NBAS: variants seen among roughly 807,000 people sequenced by gnomAD.
The protein encoded by NBAS is NAG/BC035112 fusion.
Under a neutral mutation model 302.5 loss-of-function variants are expected in NBAS, and 219 were observed. The ratio of observed to expected loss-of-function variants is 0.72; its 90% CI spans 0.65 to 0.81. The LOEUF (loss-of-function observed/expected upper bound fraction) is 0.81, where lower values mean the gene tolerates loss of function less well. Among genes scored for constraint, NBAS ranks in the 30% least tolerant of loss-of-function variants. The pLI, the probability that NBAS is intolerant of heterozygous loss-of-function variation, is 0.00. For missense variants in NBAS, 2,932 were observed against 2,841.6 expected, an observed-to-expected ratio of 1.03 and a Z score of -0.72; for synonymous variants, 1,118 against 1,021.6, an observed-to-expected ratio of 1.09 and a Z score of -1.80.
intron 48 of NBAS, among the ~76,000 whole-genome samples, chr2:15,200,958 G>A (rs956465865): frequency 6.6e-6 from 1 of 152,170 alleles, no homozygotes; most frequent in Non-Finnish European, 1.5e-5. Flanking sequence ...CAAATATGAT[G>A]TAGTTATTAA....
At chr2:14,867,298 G>A in the NBAS span, among the ~76,000 whole-genome samples, 3 of 152,150 alleles carry the variant, frequency 2.0e-5, no homozygotes, top group Non-Finnish European at 2.9e-5. Flanking sequence ...CTACATCATG[G>A]CTCAGGAGGG....
chr2:15,481,147 A>G (rs774194619), intron 12 of NBAS, among the ~76,000 whole-genome samples: 7 of 152,200 alleles, frequency 4.6e-5, no homozygotes, highest in African/African-American at 7.2e-5. Flanking sequence ...ATTGTAGCGC[A>G]TATCAGCACT....
At chr2:15,185,028 T>C (rs57595195) in intron 50 of NBAS, among the ~76,000 whole-genome samples, 12 of 152,120 alleles carry the variant, frequency 7.9e-5, no homozygotes, top group Non-Finnish European at 1.6e-4. Context: ...ATTTATACAA[T>C]TGTATGAGAG....
At chr2:14,880,931 T>C in the NBAS span, among the ~76,000 whole-genome samples, 21 of 104,506 alleles carry the variant, frequency 2.0e-4, no homozygotes, top group Admixed American at 1.6e-3. Context: ...ACCTCCAGGA[T>C]AGCAAAAAAA....
intron 40 of NBAS, among the ~76,000 whole-genome samples, chr2:15,293,715 A>C (rs1306922444): frequency 2.6e-5 from 4 of 152,066 alleles, no homozygotes; most frequent in African/African-American, 7.2e-5. Flanking sequence ...AGCTGTCAGC[A>C]TTTCTAATGT....
chr2:15,498,663 G>A (rs1681163055), intron 11 of NBAS, among the ~76,000 whole-genome samples: 1 of 152,112 alleles, frequency 6.6e-6, no homozygotes, highest in Non-Finnish European at 1.5e-5. Flanking sequence ...TGAACCATGG[G>A]GGCGGATTTC....
At chr2:15,450,488 T>C (rs964207810) in intron 21 of NBAS, among the ~76,000 whole-genome samples, 1 of 152,196 alleles carries the variant, frequency 6.6e-6, no homozygotes, top group Non-Finnish European at 1.5e-5. Flanking sequence ...TCTCTAAGCC[T>C]ATCTACCCTC....
the NBAS span, among the ~76,000 whole-genome samples, chr2:14,916,422 G>A: frequency 6.6e-6 from 1 of 152,156 alleles, no homozygotes; most frequent in East Asian, 1.9e-4. Flanking sequence ...CTGCAGCTGT[G>A]CAGTAAATTT....
At chr2:15,026,141 G>C in the NBAS span, among the ~76,000 whole-genome samples, 1 of 151,114 alleles carries the variant, frequency 6.6e-6, no homozygotes, top group Non-Finnish European at 1.5e-5. Context: ...TTTTTAACAT[G>C]AAGGGATGTT....
chr2:15,447,765 G>A (rs1056416545), intron 21 of NBAS, among the ~76,000 whole-genome samples: 1 of 152,170 alleles, frequency 6.6e-6, no homozygotes, highest in Non-Finnish European at 1.5e-5. Context: ...CAAAGCACAA[G>A]TGTTATCAAG....
intron 35 of NBAS, among the ~76,000 whole-genome samples, chr2:15,347,707 C>T (rs901732478): frequency 6.6e-6 from 1 of 152,108 alleles, no homozygotes; most frequent in Non-Finnish European, 1.5e-5. Context: ...AAGTGATATA[C>T]CTAATACTAG....
the NBAS span, among the ~76,000 whole-genome samples, chr2:14,929,197 G>T: frequency 6.6e-6 from 1 of 152,090 alleles, no homozygotes; most frequent in Non-Finnish European, 1.5e-5. Context: ...TCTGAAGAGG[G>T]TCCACTTTCA....
the NBAS span, among the ~76,000 whole-genome samples, chr2:14,923,773 C>T: frequency 1.3e-5 from 2 of 152,140 alleles, no homozygotes; most frequent in African/African-American, 4.8e-5. Flanking sequence ...TACCCCCACC[C>T]ACTGTGGACC....
chr2:15,153,163 T>C, the NBAS span, among the ~76,000 whole-genome samples: 1 of 152,204 alleles, frequency 6.6e-6, no homozygotes, highest in African/African-American at 2.4e-5. Context: ...GTTAGCTTGA[T>C]GTCAAAGCTT....
intron 25 of NBAS, among the ~76,000 whole-genome samples, chr2:15,412,003 A>G (rs1323555630): frequency 6.6e-6 from 1 of 152,158 alleles, no homozygotes; most frequent in Non-Finnish European, 1.5e-5. Flanking sequence ...CAATGGCTTA[A>G]AATCAGAAAG....
At chr2:15,281,851 G>T (rs1478121198) in intron 42 of NBAS, among the ~76,000 whole-genome samples, 2 of 152,130 alleles carry the variant, frequency 1.3e-5, no homozygotes, top group Non-Finnish European at 2.9e-5. Flanking sequence ...CAGTGTTAAG[G>T]ATCACAATAT....
chr2:15,290,100 G>A (rs1277464582), intron 41 of NBAS, among the ~76,000 whole-genome samples: 5 of 149,516 alleles, frequency 3.3e-5, no homozygotes, highest in Non-Finnish European at 7.4e-5. Context: ...GGAGAGGGGA[G>A]AGAGGAGAGG....
At chr2:14,918,044 GAGA>G in the NBAS span, among the ~76,000 whole-genome samples, 12 of 152,130 alleles carry the variant, frequency 7.9e-5, no homozygotes, top group African/African-American at 2.9e-4. Flanking sequence ...CCTTCCTTCT[GAGA>G]AGGACGGGTG....
chr2:15,398,164 GAC>G (rs1182655975), intron 26 of NBAS, among the ~76,000 whole-genome samples: 1 of 151,842 alleles, frequency 6.6e-6, no homozygotes, highest in Non-Finnish European at 1.5e-5. Flanking sequence ...TTTTGTTTGA[GAC>G]AGGGTTTTGC....
Sources: allele counts gnomAD v4.1 joint callset (sites outside exome capture counted in the v4.1 genomes callset), GRCh38; gene constraint gnomAD v4.1.1; transcripts MANE v1.5; gene names NCBI Gene and HGNC (gene_info 2026-07-23, HGNC 2026-07-21).